Variants in SLC25A30 observed in about 807,000 individuals in gnomAD.
The protein encoded by SLC25A30 is kidney mitochondrial carrier protein 1.
Under a neutral mutation model 42.7 loss-of-function variants are expected in SLC25A30, and 29 were observed. The ratio of observed to expected loss-of-function variants is 0.68; its 90% CI spans 0.51 to 0.93. The LOEUF is 0.93. Ranked by LOEUF, SLC25A30 falls within the 40% of genes least tolerant of loss-of-function variation. SLC25A30 has a pLI of 0.00. For missense variants in SLC25A30, 300 were observed against 359.7 expected (o/e 0.83, Z 1.34); for synonymous variants, 124 against 131.0 (o/e 0.95, Z 0.37).
At chr13:45,424,621 A>ATG in the SLC25A30 span, among the ~76,000 whole-genome samples, 3,690 of 70,426 alleles carry the variant, frequency 0.052, 620 homozygotes, top group Non-Finnish European at 0.065. Context: ...ATATATAAAT[A>ATG]TATATAAATA....
At chr13:45,405,042 C>T (rs1882371043) in intron 4 of SLC25A30, among the ~76,000 whole-genome samples, 1 of 152,140 alleles carries the variant, frequency 6.6e-6, no homozygotes, top group Non-Finnish European at 1.5e-5. Context: ...CCCATCTCAG[C>T]CTCCCCAGTA....
chr13:45,416,357 G>A (rs964536147), intron 1 of SLC25A30, among the ~76,000 whole-genome samples: 13 of 151,882 alleles, frequency 8.6e-5, no homozygotes, highest in Non-Finnish European at 1.8e-4. Flanking sequence ...GCAGTAAGCT[G>A]AGACCGCACC....
chr13:45,430,951 A>C, the SLC25A30 span, among the ~76,000 whole-genome samples: 2 of 152,074 alleles, frequency 1.3e-5, no homozygotes, highest in African/African-American at 4.8e-5. Flanking sequence ...CTCTATCATG[A>C]GTCCTTTCCC....
At chr13:45,430,032 T>C in the SLC25A30 span, among the ~76,000 whole-genome samples, 1 of 151,822 alleles carries the variant, frequency 6.6e-6, no homozygotes, top group Admixed American at 6.6e-5. Context: ...GAATTAGAAA[T>C]AGGTACCTAG....
the SLC25A30 span, among the ~76,000 whole-genome samples, chr13:45,425,270 A>T: frequency 7.6e-5 from 8 of 105,028 alleles, no homozygotes; most frequent in African/African-American, 2.8e-4. Context: ...ATATATACGT[A>T]TACATATAAA....
intron 3 of SLC25A30, among the ~76,000 whole-genome samples, chr13:45,407,164 G>A (rs548932942): frequency 6.6e-6 from 1 of 152,250 alleles, no homozygotes; most frequent in South Asian, 2.1e-4. Context: ...TTGGGAGGCC[G>A]AGACGGGTGG....
Position 45,400,955 on chromosome 13 carries a change from G to A in SLC25A30, c.614+128C>T, listed in dbSNP as rs118060262. 1.8e-3 allele frequency: 1,320 copies of A among 749,674 alleles called. 2 individuals carry two copies. Among genetic ancestry groups the A allele is most frequent in the Non-Finnish European group, 2.4e-3 (1,169 of 482,648 alleles). The allele number at this position is 749,674 out of a possible 1,614,324, so 46.4% of individuals were successfully genotyped here. A position where few individuals can be genotyped will look rare whatever the true frequency, so the allele number is the denominator to read the frequency against. On this transcript the variant is annotated intron_variant, in intron 7 of 9. Coordinates refer to ENST00000519676, the MANE Select transcript of SLC25A30 (RefSeq NM_001010875.4). ...GTTAACAACAGCTGCCTATGTAGAG[G>A]AATAAGGACTTCTACCTGGTCCTGC...
chr13:45,421,379 CAAAAA>C (rs368665089), upstream of SLC25A30, among the ~76,000 whole-genome samples: 2 of 83,356 alleles, frequency 2.4e-5, no homozygotes, highest in Non-Finnish European at 4.4e-5. Flanking sequence ...ACTCCATCTC[CAAAAA>C]AAAAAAAAAA....
the SLC25A30 span, among the ~76,000 whole-genome samples, chr13:45,427,149 C>T: frequency 6.6e-6 from 1 of 151,946 alleles, no homozygotes; most frequent in Non-Finnish European, 1.5e-5. Flanking sequence ...GGCTGGGTCC[C>T]AAAACTGATA....
Position 45,393,823 on chromosome 13 carries a change from T to G in SLC25A30, c.*2151A>C. On this transcript the variant is annotated 3_prime_UTR_variant, in exon 10 of 10. Coordinates refer to ENST00000519676, the MANE Select transcript of SLC25A30 (RefSeq NM_001010875.4). The stretch of plus-strand genomic sequence containing the variant: ...TTTTATCTTAAATCGTGCTTAAGTT[T>G]TACCATGAGGTTTGAATTTCTTTCC... 1 of 985,430 alleles carries G rather than the reference T, an allele frequency of 1.0e-6. No homozygotes were observed. The highest frequency in any genetic ancestry group is 1.1e-4 in the East Asian group (1 of 8,824). 61.0% of individuals were successfully genotyped at this position (985,430 alleles called of 1,614,324 possible).
chr13:45,400,990 G>A, intron 7 of SLC25A30, 93 bp downstream of exon 7: 1 of 1,147,258 alleles, frequency 8.7e-7, no homozygotes, highest in Non-Finnish European at 1.2e-6. Context: ...CTTCACTTCT[G>A]CATTGCAACT....
chr13:45,415,865 T>G (rs536492444), intron 1 of SLC25A30, among the ~76,000 whole-genome samples: 1 of 141,556 alleles, frequency 7.1e-6, no homozygotes, highest in Non-Finnish European at 1.5e-5. Flanking sequence ...GGTGGTGCTA[T>G]CTCAGCTCAC....
Position 45,393,413 on chromosome 13 carries a change from A to T in SLC25A30, c.*2561T>A, listed in dbSNP as rs1210231425. ...TTTAAATAAAGAGCTTGAAATATAA[A>T]GGCTTATGAAAACTTCATACTCTTT... On this transcript the variant is annotated 3_prime_UTR_variant, in exon 10 of 10. Coordinates refer to ENST00000519676, the MANE Select transcript of SLC25A30 (RefSeq NM_001010875.4). 2 of 983,384 alleles carry T rather than the reference A, an allele frequency of 2.0e-6. No individual in the cohort carries two copies. Among genetic ancestry groups the T allele is most frequent in the African/African-American group, 1.7e-5 (1 of 57,214 alleles). 60.9% of individuals were successfully genotyped at this position (983,384 alleles called of 1,614,324 possible). A position where few individuals can be genotyped will look rare whatever the true frequency, so the allele number is the denominator to read the frequency against.
the SLC25A30 span, among the ~76,000 whole-genome samples, chr13:45,425,440 A>G: frequency 9.0e-6 from 1 of 110,924 alleles, no homozygotes; most frequent in African/African-American, 3.5e-5. Flanking sequence ...ATATATGTAT[A>G]TATAAATATA....
chr13:45,425,945 A>C, the SLC25A30 span, among the ~76,000 whole-genome samples: 2 of 147,938 alleles, frequency 1.4e-5, no homozygotes, highest in African/African-American at 4.9e-5. Context: ...CACCTGCCTC[A>C]GCCTCCCAAA....
chr13:45,414,309 T>C (rs1368212063), intron 1 of SLC25A30, among the ~76,000 whole-genome samples: 1 of 152,034 alleles, frequency 6.6e-6, no homozygotes, highest in Non-Finnish European at 1.5e-5. Context: ...CCGCAGTACA[T>C]GGGCAAACAT....
At chr13:45,408,284 C>T (rs1042478106) in intron 3 of SLC25A30, among the ~76,000 whole-genome samples, 2 of 152,144 alleles carry the variant, frequency 1.3e-5, no homozygotes, top group Middle Eastern at 3.2e-3. Context: ...GTTGATTTCT[C>T]TCAAGAAGAT....
At chr13:45,422,329 G>A (rs1883908971), upstream of SLC25A30, among the ~76,000 whole-genome samples, 1 of 152,082 alleles carries the variant, frequency 6.6e-6, no homozygotes, top group Non-Finnish European at 1.5e-5. Flanking sequence ...AACATTTGGT[G>A]GTTGGCGAAA....
In SLC25A30 at chr13:45,395,659, A is replaced by C. The variant is rs1407098847; in HGVS notation, c.*315T>G. ...GCATCAGGAGCTACTCTCCCTGAAT[A>C]AAACAATACATCGCTCCTGATTTTC... On this transcript the variant is annotated 3_prime_UTR_variant, in exon 10 of 10. Coordinates refer to ENST00000519676, the MANE Select transcript of SLC25A30 (RefSeq NM_001010875.4). 1 of 1,237,204 alleles carries C rather than the reference A, an allele frequency of 8.1e-7. No homozygotes were observed. The highest frequency in any genetic ancestry group is 1.0e-6 in the Non-Finnish European group (1 of 976,088). 76.6% of individuals were successfully genotyped at this position (1,237,204 alleles called of 1,614,324 possible).
Sources: gnomAD v4.1 joint callset for allele counts (sites outside exome capture counted in the v4.1 genomes callset) on GRCh38, gnomAD v4.1.1 for gene constraint, MANE v1.5 for transcripts, NCBI Gene and HGNC (gene_info 2026-07-23, HGNC 2026-07-21) for gene names.